The following TIAM1 variants were observed in gnomAD, a reference collection of about 807,000 sequenced individuals.
The protein encoded by TIAM1 is rho guanine nucleotide exchange factor TIAM1.
TIAM1 carries 65 observed loss-of-function variants against 163.5 expected under a neutral mutation model. The observed-to-expected ratio is 0.40, with a 90% confidence interval of 0.33 to 0.49. The LOEUF (loss-of-function observed/expected upper bound fraction) is 0.49, where lower values mean the gene tolerates loss of function less well. TIAM1 is among the 20% of genes least tolerant of loss of function. TIAM1 has a pLI of 0.77. For synonymous variants in TIAM1, 833 were observed against 810.1 expected, an observed-to-expected ratio of 1.03 and a Z score of -0.48; for missense variants, 1,789 against 2,044.7, an observed-to-expected ratio of 0.87 and a Z score of 2.41.
rs191834249 is a variant in TIAM1, at chr21:31,168,072, T to C, written c.2888-3007A>G. Among the ~76,000 whole-genome samples, 4 of 151,432 alleles carry C rather than the reference T, an allele frequency of 2.6e-5. No homozygotes were observed. In the East Asian group the frequency reaches 5.8e-4, roughly 22 times the overall value. On this transcript the variant is annotated intron_variant, in intron 15 of 27. Coordinates refer to ENST00000541036, the MANE Select transcript of TIAM1 (RefSeq NM_001353694.2). ...GAGGGTGGAAAAGGAATACAGCAGG[T>C]TTCTTCCCTGAGATTCTTATTATTT...
At chr21:31,323,899 TCA>T (rs1210693936) in intron 2 of TIAM1, among the ~76,000 whole-genome samples, 1 of 151,694 alleles carries the variant, frequency 6.6e-6, no homozygotes, top group African/African-American at 2.4e-5. Context: ...TCCCAGCTAC[TCA>T]GGTGGCTGAG....
intron 1 of TIAM1, among the ~76,000 whole-genome samples, chr21:31,480,208 T>C (rs1219972854): frequency 1.3e-5 from 2 of 152,226 alleles, no homozygotes; most frequent in African/African-American, 2.4e-5. Context: ...CTGGTCATCA[T>C]TGGGTAGCTT....
chr21:31,136,180 TGAGA>T, intron 22 of TIAM1, 139 bp from the exon 23 acceptor site: 1 of 706,382 alleles, frequency 1.4e-6, no homozygotes, highest in Non-Finnish European at 2.3e-6. Context: ...CTTAAATATG[TGAGA>T]TAATGCTAAG....
chr21:31,540,064 C>T (rs968175864), intron 1 of TIAM1, among the ~76,000 whole-genome samples: 13 of 151,586 alleles, frequency 8.6e-5, no homozygotes, highest in African/African-American at 2.9e-4. Context: ...AAATTAAGGC[C>T]TAGCACAAGG....
At chr21:31,282,225 C>T (rs1476867340) in intron 2 of TIAM1, among the ~76,000 whole-genome samples, 1 of 152,238 alleles carries the variant, frequency 6.6e-6, no homozygotes, top group Non-Finnish European at 1.5e-5. Flanking sequence ...GGCATCTCCA[C>T]TGGTGTTCCT....
rs149157262 is a variant in TIAM1, at chr21:31,519,263, C to T, written c.-422+39664G>A. Among the ~76,000 whole-genome samples, 391 of 149,236 alleles carry T rather than the reference C, an allele frequency of 2.6e-3. 5 individuals are homozygous for T. Among genetic ancestry groups the T allele is most frequent in the African/African-American group, 8.7e-3 (350 of 40,416 alleles). On this transcript the variant is annotated intron_variant, in intron 1 of 28. Transcript: ENST00000286827. Reference sequence around the variant, plus strand: ...GAGGTTGCGGTGAGCCGAGATCGCGCCACTGCACTCCAGCCTGGGCAACAA... The same window carrying T: ...GAGGTTGCGGTGAGCCGAGATCGCGTCACTGCACTCCAGCCTGGGCAACAA...
At chr21:31,473,718 C>T (rs1322106042) in intron 1 of TIAM1, among the ~76,000 whole-genome samples, 4 of 151,956 alleles carry the variant, frequency 2.6e-5, no homozygotes, top group Admixed American at 6.6e-5. Context: ...CAAAGATCAG[C>T]GAGTGAGCCA....
At chr21:31,535,595 C>T (rs775609764) in intron 1 of TIAM1, among the ~76,000 whole-genome samples, 7 of 152,012 alleles carry the variant, frequency 4.6e-5, no homozygotes, top group Non-Finnish European at 7.4e-5. Flanking sequence ...AGGCTGCCCA[C>T]GTAAAGGGGA....
chr21:31,303,495 T>C (rs747963708), intron 2 of TIAM1, among the ~76,000 whole-genome samples: 6 of 152,160 alleles, frequency 3.9e-5, no homozygotes, highest in Non-Finnish European at 7.4e-5. Context: ...CATTAGGAAA[T>C]TGAATACAAA....
intron 1 of TIAM1, among the ~76,000 whole-genome samples, chr21:31,508,966 A>G (rs74428655): frequency 0.052 from 7,959 of 152,050 alleles, 508 homozygotes; most frequent in African/African-American, 0.15. Flanking sequence ...CCCCTCCCCC[A>G]TGCCTTGTCA....
intron 2 of TIAM1, among the ~76,000 whole-genome samples, chr21:31,410,818 G>A (rs537148835): frequency 2.0e-5 from 3 of 152,078 alleles, no homozygotes; most frequent in Non-Finnish European, 4.4e-5. Flanking sequence ...GTCAACGTGA[G>A]TCCTCCCACT....
chr21:31,352,034 C>T (rs1001080856), intron 2 of TIAM1, among the ~76,000 whole-genome samples: 5 of 151,330 alleles, frequency 3.3e-5, no homozygotes, highest in African/African-American at 1.2e-4. Context: ...CACCACTGTA[C>T]TCCAACCTAG....
intron 7 of TIAM1, 28 bp downstream of exon 7, chr21:31,225,698 C>G (rs924163162): frequency 1.1e-5 from 17 of 1,564,060 alleles, no homozygotes; most frequent in Non-Finnish European, 1.5e-5. Flanking sequence ...ACAATTTTGT[C>G]CGGACCTAAA....
intron 2 of TIAM1, among the ~76,000 whole-genome samples, chr21:31,309,551 T>C (rs181633226): frequency 3.1e-4 from 47 of 152,262 alleles, no homozygotes; most frequent in African/African-American, 1.0e-3. Context: ...GGGAAAAAAA[T>C]CTTTCAGCAG....
In TIAM1 at chr21:31,120,310, T is replaced by G; in HGVS notation, c.*58A>C. ...CATTCTTGTCGACGGTACAGGAGGG[T>G]GGGCAGAGTTAGGGCAGGAAGTATC... On this transcript the variant is annotated 3_prime_UTR_variant, in exon 28 of 28. Transcript: ENST00000541036. The surrounding 1 kb of genome is among the most constrained non-coding windows in gnomAD (Gnocchi z 4.2). 2 of 1,494,556 alleles carry G rather than the reference T, an allele frequency of 1.3e-6. No homozygotes were observed. Among genetic ancestry groups the G allele is most frequent in the South Asian group, 1.3e-5 (1 of 75,390 alleles). 92.6% of individuals were successfully genotyped at this position (1,494,556 alleles called of 1,614,324 possible).
chr21:31,502,026 C>A (rs1416206804), intron 1 of TIAM1, among the ~76,000 whole-genome samples: 1 of 152,184 alleles, frequency 6.6e-6, no homozygotes, highest in African/African-American at 2.4e-5. Flanking sequence ...GCAGGCACTG[C>A]CTTGTCCATC....
intron 2 of TIAM1, among the ~76,000 whole-genome samples, chr21:31,435,496 G>A (rs924594740): frequency 2.0e-5 from 3 of 152,054 alleles, no homozygotes; most frequent in Non-Finnish European, 2.9e-5. Flanking sequence ...ATTCATACAC[G>A]TTTGCTGCAT....
chr21:31,148,004 CAAAAAAAAAA>C (rs34410316), intron 19 of TIAM1, among the ~76,000 whole-genome samples: 1 of 63,792 alleles, frequency 1.6e-5, no homozygotes, highest in Non-Finnish European at 2.8e-5. Flanking sequence ...TGTCCATGAC[CAAAAAAAAAA>C]AAAAAAAAAA....
In TIAM1 at chr21:31,487,706, C is replaced by T. The variant is rs530856762; in HGVS notation, c.-421-23671G>A. Among the ~76,000 whole-genome samples, 157 of 151,712 alleles carry T rather than the reference C, an allele frequency of 1.0e-3. 1 individual carries two copies. Among genetic ancestry groups the T allele is most frequent in the African/African-American group, 3.6e-3 (148 of 41,366 alleles). On this transcript the variant is annotated intron_variant, in intron 1 of 28. Transcript: ENST00000286827. ...CCAAGTAGCTGGGACTACAGGCGCC[C>T]GCCACCGCGCCCGGCTAATTTTTTG...
Sources: gnomAD v4.1 joint callset for allele counts (sites outside exome capture counted in the v4.1 genomes callset) on GRCh38, gnomAD v4.1.1 for gene constraint, Gnocchi (gnomAD v3.1) non-coding constraint, MANE v1.5 for transcripts, NCBI Gene and HGNC (gene_info 2026-07-23, HGNC 2026-07-21) for gene names.